The following GAREM1 variants were observed in gnomAD, a reference collection of about 807,000 sequenced individuals.
The protein encoded by GAREM1 is GRB2 associated regulator of MAPK1 subtype 1.
GAREM1 carries 26 observed loss-of-function variants against 71.3 expected under a neutral mutation model. The ratio of observed to expected loss-of-function variants is 0.36; its 90% CI spans 0.27 to 0.51. GAREM1 has a LOEUF of 0.51. Ranked by LOEUF, GAREM1 falls within the 20% of genes least tolerant of loss-of-function variation. GAREM1 has a pLI of 0.95. For synonymous variants in GAREM1, 440 were observed against 433.2 expected (o/e 1.02, Z -0.20); for missense variants, 1,026 against 1,103.1 (o/e 0.93, Z 0.99).
rs190234297 is a variant in GAREM1 at position 32,438,355 on chromosome 18, T to C, written c.121+31953A>G. On this transcript the variant is annotated intron_variant, in intron 1 of 5. Coordinates refer to ENST00000269209, the MANE Select transcript of GAREM1 (RefSeq NM_001242409.2). ...CACAGGTCGTGCTAAGCCCTCACACTTTCCTCACCTTGGCCATCTGCCTGG... is the reference window on the plus strand; with the variant it reads ...CACAGGTCGTGCTAAGCCCTCACACCTTCCTCACCTTGGCCATCTGCCTGG... 3.3e-4 allele frequency among the ~76,000 whole-genome samples: 51 copies of C among 152,314 alleles called. 1 individual carries two copies. Among genetic ancestry groups the C allele is most frequent in the African/African-American group, 1.1e-3 (46 of 41,588 alleles).
chr18:32,445,172 C>T (rs923473565), intron 1 of GAREM1, among the ~76,000 whole-genome samples: 3 of 152,166 alleles, frequency 2.0e-5, no homozygotes, highest in African/African-American at 7.2e-5. Context: ...CACTCCCCAA[C>T]ACAAACCTGC....
intron 2 of GAREM1, among the ~76,000 whole-genome samples, chr18:32,389,544 T>C (rs1261437359): frequency 6.6e-6 from 1 of 152,172 alleles, no homozygotes; most frequent in Non-Finnish European, 1.5e-5. Context: ...GTTGTTTGAT[T>C]ACAAAGCTGG....
chr18:32,454,488 G>A (rs1216589255), intron 1 of GAREM1, among the ~76,000 whole-genome samples: 1 of 152,164 alleles, frequency 6.6e-6, no homozygotes, highest in Non-Finnish European at 1.5e-5. Flanking sequence ...TGATTAAGTA[G>A]TATAGCCAAA....
intron 2 of GAREM1, among the ~76,000 whole-genome samples, chr18:32,351,811 C>T (rs976565417): frequency 5.3e-5 from 8 of 151,926 alleles, no homozygotes; most frequent in Non-Finnish European, 8.8e-5. Flanking sequence ...TGACCGGCTA[C>T]CCTACTTTCA....
At chr18:32,438,864 C>T (rs1399386254) in intron 1 of GAREM1, among the ~76,000 whole-genome samples, 1 of 152,130 alleles carries the variant, frequency 6.6e-6, no homozygotes, top group Non-Finnish European at 1.5e-5. Context: ...ACCGTGTCTC[C>T]TAAGCAAGAG....
chr18:32,407,429 G>A (rs1169277567), intron 1 of GAREM1, among the ~76,000 whole-genome samples: 1 of 152,154 alleles, frequency 6.6e-6, no homozygotes, highest in East Asian at 1.9e-4. Flanking sequence ...GTGAAACTCT[G>A]TCTCAAAAAC....
intron 2 of GAREM1, among the ~76,000 whole-genome samples, chr18:32,374,891 CAG>C (rs947441277): frequency 2.0e-5 from 3 of 152,102 alleles, no homozygotes; most frequent in African/African-American, 7.2e-5. Context: ...TACTGAAGTG[CAG>C]ACATGGTTCC....
intron 2 of GAREM1, among the ~76,000 whole-genome samples, chr18:32,392,331 C>T (rs755367961): frequency 6.6e-6 from 1 of 152,026 alleles, no homozygotes; most frequent in Admixed American, 6.6e-5. Context: ...TTATATGGCA[C>T]TATTGCATTG....
intron 1 of GAREM1, among the ~76,000 whole-genome samples, chr18:32,437,008 CA>C (rs2048686658): frequency 6.6e-6 from 1 of 152,142 alleles, no homozygotes; most frequent in Admixed American, 6.5e-5. Flanking sequence ...AGCACCTGCA[CA>C]GAGAGAGCCT....
chr18:32,268,909 G>GT (rs202244530), intron 5 of GAREM1, 141 bp from the exon 6 acceptor site: 9,159 of 538,742 alleles, frequency 0.017, 50 homozygotes, highest in East Asian at 0.084. Context: ...ACTTCACTGG[G>GT]TTTTTTTTTT....
At chr18:32,305,399 TAC>T (rs2047243995) in intron 3 of GAREM1, among the ~76,000 whole-genome samples, 1 of 152,234 alleles carries the variant, frequency 6.6e-6, no homozygotes, top group South Asian at 2.1e-4. Context: ...TCAAGAGTTT[TAC>T]ACTCTACCAC....
At chr18:32,418,675 T>C (rs1236631817) in intron 1 of GAREM1, among the ~76,000 whole-genome samples, 3 of 152,028 alleles carry the variant, frequency 2.0e-5, no homozygotes, top group African/African-American at 7.2e-5. Context: ...CATAATACAA[T>C]AGAACCAATA....
chr18:32,387,844 G>A lies in GAREM1; in HGVS notation c.262+5051C>T, dbSNP rs965683997. 3.3e-5 allele frequency among the ~76,000 whole-genome samples: 5 copies of A among 152,228 alleles called. No individual in the cohort carries two copies. The South Asian group carries it at 1.0e-3, about 32-fold the overall frequency. The stretch of plus-strand genomic sequence containing the variant: ...TTATTTTTCATATTAAGAATTTCAT[G>A]AAAATCTCTGATGTAACACATATCT... On this transcript the variant is annotated intron_variant, in intron 2 of 5. Transcript: ENST00000269209.
intron 2 of GAREM1, among the ~76,000 whole-genome samples, chr18:32,336,599 G>A (rs2047598073): frequency 6.6e-6 from 1 of 152,136 alleles, no homozygotes; most frequent in African/African-American, 2.4e-5. Context: ...TGTAAATACA[G>A]GGATTTATAC....
rs779376585 is a variant in GAREM1 at position 32,267,828 on chromosome 18, C to T, written c.*43G>A. On this transcript the variant is annotated 3_prime_UTR_variant, in exon 6 of 6. Coordinates refer to ENST00000269209, the MANE Select transcript of GAREM1 (RefSeq NM_001242409.2). Reference sequence around the variant, plus strand: ...GTCCCAGCCCACCCCTTCTAGCACACGCATTGATCAGTTTTGTTCCATGCT... The same window carrying T: ...GTCCCAGCCCACCCCTTCTAGCACATGCATTGATCAGTTTTGTTCCATGCT... 62 of 1,509,480 alleles carry T rather than the reference C, an allele frequency of 4.1e-5. No homozygotes were observed. Among genetic ancestry groups the T allele is most frequent in the Non-Finnish European group, 4.9e-5 (54 of 1,104,846 alleles). 93.5% of individuals were successfully genotyped at this position (1,509,480 alleles called of 1,614,324 possible). A position where few individuals can be genotyped will look rare whatever the true frequency, so the allele number is the denominator to read the frequency against.
chr18:32,272,414 G>A (rs1398448356), intron 4 of GAREM1, among the ~76,000 whole-genome samples: 3 of 152,194 alleles, frequency 2.0e-5, no homozygotes, highest in African/African-American at 4.8e-5. Context: ...GAAAGGGAAC[G>A]GTTTCATCTG....
chr18:32,283,075 GA>G (rs1382896646), intron 4 of GAREM1, among the ~76,000 whole-genome samples: 1 of 152,214 alleles, frequency 6.6e-6, no homozygotes, highest in Non-Finnish European at 1.5e-5. Flanking sequence ...TTTAAAAAGG[GA>G]AAATGCCAGA....
intron 1 of GAREM1, among the ~76,000 whole-genome samples, chr18:32,469,136 T>C (rs1249437845): frequency 6.6e-6 from 1 of 152,092 alleles, no homozygotes; most frequent in Non-Finnish European, 1.5e-5. Flanking sequence ...TGCATCTATT[T>C]TTCACATCAG....
At chr18:32,276,794 T>A (rs954712693) in intron 4 of GAREM1, among the ~76,000 whole-genome samples, 2 of 152,134 alleles carry the variant, frequency 1.3e-5, no homozygotes, top group Non-Finnish European at 2.9e-5. Flanking sequence ...TTGAGCTCAG[T>A]GTTCTAATGA....
Sources: allele counts gnomAD v4.1 joint callset (sites outside exome capture counted in the v4.1 genomes callset), GRCh38; gene constraint gnomAD v4.1.1; transcripts MANE v1.5; gene names NCBI Gene and HGNC (gene_info 2026-07-23, HGNC 2026-07-21).